Variants in VWC2 observed in about 807,000 individuals in gnomAD.
The protein encoded by VWC2 is brorin.
A neutral mutation model predicts 29.8 loss-of-function variants in VWC2; 14 were observed. The observed-to-expected ratio is 0.47, with a 90% CI of 0.31 to 0.74. The LOEUF (loss-of-function observed/expected upper bound fraction) is 0.74, where lower values mean the gene tolerates loss of function less well. VWC2 is among the 30% of genes least tolerant of loss of function. VWC2 has a pLI of 0.05. For synonymous variants in VWC2, 213 were observed against 199.0 expected, an observed-to-expected ratio of 1.07 and a Z score of -0.59; for missense variants, 457 against 459.8, an observed-to-expected ratio of 0.99 and a Z score of 0.05.
At chr7:49,818,822 TTA>T (rs952118413) in intron 3 of VWC2, among the ~76,000 whole-genome samples, 1 of 147,712 alleles carries the variant, frequency 6.8e-6, no homozygotes, top group Non-Finnish European at 1.5e-5. Flanking sequence ...ACAGCCTCCT[TTA>T]TATATATATT....
chr7:49,799,404 T>C (rs895117527), intron 2 of VWC2, among the ~76,000 whole-genome samples: 6 of 152,204 alleles, frequency 3.9e-5, no homozygotes, highest in Non-Finnish European at 8.8e-5. Flanking sequence ...GTGACCAGCT[T>C]GAGGGCTTCT....
At chr7:49,872,491 A>G (rs1206176395) in intron 3 of VWC2, among the ~76,000 whole-genome samples, 1 of 151,320 alleles carries the variant, frequency 6.6e-6, no homozygotes, top group East Asian at 1.9e-4. Context: ...GTAAGATTCA[A>G]TATCTGTGAG....
At position 49,775,367 on chromosome 7, in the gene VWC2, C is replaced by G. The variant is rs1429958877; in HGVS notation, c.-69C>G. Reference sequence around the variant, plus strand: ...CTCCCGGCTGGCGGCGGCGCGCCCCCGGGCTGTGAATGCGACTCGCCCCTC... The same window carrying G: ...CTCCCGGCTGGCGGCGGCGCGCCCCGGGGCTGTGAATGCGACTCGCCCCTC... On this transcript the variant is annotated 5_prime_UTR_variant, in exon 2 of 4. Transcript: ENST00000340652. The G allele has an allele frequency of 1.8e-5, 23 of 1,264,674 alleles. No homozygotes were observed. The highest frequency in any genetic ancestry group is 3.2e-5 in the East Asian group (1 of 31,364). 78.3% of individuals were successfully genotyped at this position (1,264,674 alleles called of 1,614,324 possible).
At chr7:49,836,841 TTTAGTAAGTTGTATCA>T (rs1294042221) in intron 3 of VWC2, among the ~76,000 whole-genome samples, 1 of 152,136 alleles carries the variant, frequency 6.6e-6, no homozygotes, top group African/African-American at 2.4e-5. Context: ...GTTTGGTTTC[TTTAGTAAGTTGTATCA>T]TATATTCTTC....
chr7:49,838,257 C>G (rs934463000), intron 3 of VWC2, among the ~76,000 whole-genome samples: 1 of 152,304 alleles, frequency 6.6e-6, no homozygotes, highest in African/African-American at 2.4e-5. Flanking sequence ...GCAAAATGCT[C>G]TATGGATGTG....
intron 3 of VWC2, among the ~76,000 whole-genome samples, chr7:49,890,886 T>A (rs1318342803): frequency 6.6e-6 from 1 of 151,560 alleles, no homozygotes; most frequent in Non-Finnish European, 1.5e-5. Context: ...TATCAGGCAA[T>A]AGGAAACTCA....
intron 3 of VWC2, among the ~76,000 whole-genome samples, chr7:49,821,544 G>T (rs1056235583): frequency 1.3e-5 from 2 of 151,498 alleles, no homozygotes; most frequent in Non-Finnish European, 2.9e-5. Context: ...AATAGCACAA[G>T]AAAAAAGCAG....
At chr7:49,848,175 G>A (rs1303642727) in intron 3 of VWC2, among the ~76,000 whole-genome samples, 1 of 152,146 alleles carries the variant, frequency 6.6e-6, no homozygotes, top group Non-Finnish European at 1.5e-5. Flanking sequence ...TGCAAGATAG[G>A]GGCCCAACTT....
At chr7:49,866,294 T>A (rs1434956186) in intron 3 of VWC2, among the ~76,000 whole-genome samples, 1 of 152,240 alleles carries the variant, frequency 6.6e-6, no homozygotes, top group Non-Finnish European at 1.5e-5. Context: ...GGTGTCTTGC[T>A]ATGGCCTAAC....
chr7:49,867,316 A>C (rs1356152989), intron 3 of VWC2, among the ~76,000 whole-genome samples: 2 of 152,220 alleles, frequency 1.3e-5, no homozygotes, highest in Admixed American at 6.5e-5. Context: ...AGAAAAGAAG[A>C]AGCATGAGAA....
At chr7:49,792,569 A>C (rs1788488195) in intron 2 of VWC2, among the ~76,000 whole-genome samples, 1 of 152,202 alleles carries the variant, frequency 6.6e-6, no homozygotes, top group Non-Finnish European at 1.5e-5. Flanking sequence ...GGCGCAGTCC[A>C]GTTCTAGAGC....
chr7:49,851,839 G>C (rs961455262), intron 3 of VWC2, among the ~76,000 whole-genome samples: 2 of 151,404 alleles, frequency 1.3e-5, no homozygotes, highest in East Asian at 3.9e-4. Flanking sequence ...CTGGGAGACA[G>C]AGCAAGACTC....
intron 2 of VWC2, among the ~76,000 whole-genome samples, chr7:49,794,072 C>T (rs1788525385): frequency 6.6e-6 from 1 of 152,192 alleles, no homozygotes; most frequent in South Asian, 2.1e-4. Context: ...TGCCTCCTCC[C>T]AGAGAGACAT....
chr7:49,812,028 G>A (rs1039483158), intron 3 of VWC2, among the ~76,000 whole-genome samples: 1 of 152,152 alleles, frequency 6.6e-6, no homozygotes, highest in African/African-American at 2.4e-5. Context: ...TACAACATGG[G>A]TGAACCTCAA....
At chr7:49,823,169 C>A (rs772899900) in intron 3 of VWC2, among the ~76,000 whole-genome samples, 1 of 152,086 alleles carries the variant, frequency 6.6e-6, no homozygotes, top group African/African-American at 2.4e-5. Context: ...ATAATAGTTA[C>A]GAGTATGGGT....
chr7:49,884,685 A>C (rs577138732), intron 3 of VWC2, among the ~76,000 whole-genome samples: 1 of 152,300 alleles, frequency 6.6e-6, no homozygotes, highest in Admixed American at 6.5e-5. Context: ...CTGCTGCCTG[A>C]CTGTGTCAAC....
At chr7:49,835,812 T>C (rs1327368521) in intron 3 of VWC2, among the ~76,000 whole-genome samples, 1 of 152,234 alleles carries the variant, frequency 6.6e-6, no homozygotes, top group African/African-American at 2.4e-5. Context: ...TTATAAACTA[T>C]TGGCATTAGC....
At chr7:49,861,862 C>T (rs1208884484) in intron 3 of VWC2, among the ~76,000 whole-genome samples, 1 of 152,168 alleles carries the variant, frequency 6.6e-6, no homozygotes, top group Admixed American at 6.5e-5. Flanking sequence ...TATGTCTGTC[C>T]TTATGCCAGT....
At chr7:49,870,290 C>T (rs1174682093) in intron 3 of VWC2, among the ~76,000 whole-genome samples, 1 of 152,176 alleles carries the variant, frequency 6.6e-6, no homozygotes, top group Non-Finnish European at 1.5e-5. Context: ...GTCCCAGCTA[C>T]TCGGGAGGCT....
Sources: gnomAD v4.1 joint callset for allele counts (sites outside exome capture counted in the v4.1 genomes callset) on GRCh38, gnomAD v4.1.1 for gene constraint, MANE v1.5 for transcripts, NCBI Gene and HGNC (gene_info 2026-07-23, HGNC 2026-07-21) for gene names.